PLCXD3: variants seen among roughly 807,000 people sequenced by gnomAD.
The protein encoded by PLCXD3 is PI-PLC X domain-containing protein 3.
PLCXD3 carries 19 observed loss-of-function variants against 25.5 expected under a neutral mutation model. The ratio of observed to expected loss-of-function variants is 0.75; its 90% CI spans 0.52 to 1.09. The LOEUF is 1.09. Among genes scored for constraint, PLCXD3 ranks in the 50% least tolerant of loss-of-function variants. The pLI is 0.00. For missense variants in PLCXD3, 411 were observed against 388.1 expected, an observed-to-expected ratio of 1.06 and a Z score of -0.50; for synonymous variants, 174 against 137.6, an observed-to-expected ratio of 1.26 and a Z score of -1.85.
chr5:41,383,790 A>G (rs1181274144), intron 1 of PLCXD3, among the ~76,000 whole-genome samples: 1 of 151,966 alleles, frequency 6.6e-6, no homozygotes, highest in East Asian at 1.9e-4. Flanking sequence ...ACACACAAAC[A>G]CACACAGAAA....
chr5:41,369,069 G>C (rs987626341), intron 2 of PLCXD3, among the ~76,000 whole-genome samples: 1 of 152,128 alleles, frequency 6.6e-6, no homozygotes, highest in Non-Finnish European at 1.5e-5. Flanking sequence ...TGTATACAGT[G>C]GCAATAAGTT....
intron 2 of PLCXD3, among the ~76,000 whole-genome samples, chr5:41,334,157 A>C (rs1743912729): frequency 6.6e-6 from 1 of 152,174 alleles, no homozygotes; most frequent in South Asian, 2.1e-4. Flanking sequence ...TTTGGTCCTG[A>C]CTAGAGTAGA....
chr5:41,400,263 A>G (rs563986300), intron 1 of PLCXD3, among the ~76,000 whole-genome samples: 14 of 152,230 alleles, frequency 9.2e-5, no homozygotes, highest in African/African-American at 3.1e-4. Context: ...TGCAACCACT[A>G]TGGAGAACAG....
chr5:41,318,483 TTTTG>T (rs941013894), intron 2 of PLCXD3, among the ~76,000 whole-genome samples: 16 of 152,186 alleles, frequency 1.1e-4, no homozygotes, highest in African/African-American at 2.9e-4. Flanking sequence ...TTAGTTTACT[TTTTG>T]TTTGTTTACT....
chr5:41,447,433 C>A (rs1580378050), intron 1 of PLCXD3, among the ~76,000 whole-genome samples: 2 of 152,122 alleles, frequency 1.3e-5, no homozygotes, highest in Admixed American at 1.3e-4. Flanking sequence ...TTTTCAATAT[C>A]AAATCATGTG....
chr5:41,421,505 T>C (rs1056974073), intron 1 of PLCXD3, among the ~76,000 whole-genome samples: 1 of 152,040 alleles, frequency 6.6e-6, no homozygotes, highest in Admixed American at 6.5e-5. Context: ...ATTGAGACCA[T>C]CCTGGCTAAC....
At chr5:41,377,071 C>T (rs1745317777) in intron 2 of PLCXD3, among the ~76,000 whole-genome samples, 1 of 152,202 alleles carries the variant, frequency 6.6e-6, no homozygotes, top group African/African-American at 2.4e-5. Flanking sequence ...ACAGATTAGG[C>T]ATTTAAATGT....
intron 2 of PLCXD3, among the ~76,000 whole-genome samples, chr5:41,363,437 C>G (rs1003730901): frequency 6.6e-6 from 1 of 152,140 alleles, no homozygotes; most frequent in African/African-American, 2.4e-5. Flanking sequence ...TATTCTATGA[C>G]AGATGACTCT....
chr5:41,493,491 A>T (rs1051856362), intron 1 of PLCXD3, among the ~76,000 whole-genome samples: 4 of 152,232 alleles, frequency 2.6e-5, no homozygotes, highest in African/African-American at 4.8e-5. Flanking sequence ...TTAAGTCTGC[A>T]GAGGTTACTG....
intron 2 of PLCXD3, among the ~76,000 whole-genome samples, chr5:41,343,336 A>G (rs1477587921): frequency 6.6e-6 from 1 of 152,170 alleles, no homozygotes; most frequent in Non-Finnish European, 1.5e-5. Context: ...GTTTACTTGA[A>G]AACTAGTTGT....
chr5:41,344,346 C>A (rs1460304374), intron 2 of PLCXD3, among the ~76,000 whole-genome samples: 1 of 152,122 alleles, frequency 6.6e-6, no homozygotes, highest in Non-Finnish European at 1.5e-5. Context: ...TTATTCAGCT[C>A]TTATTCAAAT....
intron 2 of PLCXD3, among the ~76,000 whole-genome samples, chr5:41,314,822 A>C (rs1290608283): frequency 1.3e-5 from 2 of 152,210 alleles, no homozygotes; most frequent in Non-Finnish European, 1.5e-5. Context: ...CCTTTGAATT[A>C]TCTTGAGCAG....
rs1423310 is a variant in PLCXD3 at position 41,313,595 on chromosome 5, A to T, written c.*22T>A. The T allele has an allele frequency of 5.9e-3, 9,452 of 1,613,326 alleles. 518 individuals are homozygous for T. The African/African-American group carries it at 0.11, about 19-fold the overall frequency. On this transcript the variant is annotated 3_prime_UTR_variant, in exon 3 of 3. Coordinates refer to ENST00000377801, the MANE Select transcript of PLCXD3 (RefSeq NM_001005473.3). Reference sequence around the variant, plus strand: ...ACAATGAGCTTTCTCCATCTTATTCATGGAAACTCCAAGTAGTGCTATCAA... The same window carrying T: ...ACAATGAGCTTTCTCCATCTTATTCTTGGAAACTCCAAGTAGTGCTATCAA...
At chr5:41,401,179 ATGT>A (rs1441537767) in intron 1 of PLCXD3, among the ~76,000 whole-genome samples, 1 of 151,920 alleles carries the variant, frequency 6.6e-6, no homozygotes, top group African/African-American at 2.4e-5. Flanking sequence ...CATGTACTTA[ATGT>A]TGTCTTTTAA....
intron 1 of PLCXD3, among the ~76,000 whole-genome samples, chr5:41,498,824 T>A (rs769444610): frequency 1.1e-4 from 17 of 151,808 alleles, no homozygotes; most frequent in Non-Finnish European, 2.1e-4. Context: ...GTGGGATTTA[T>A]CCATTGGAGG....
intron 1 of PLCXD3, among the ~76,000 whole-genome samples, chr5:41,428,382 GT>G (rs1335460352): frequency 3.0e-5 from 3 of 101,300 alleles, no homozygotes; most frequent in Non-Finnish European, 5.5e-5. Context: ...GAGTTTTTTT[GT>G]TTTTGTTTTT....
intron 1 of PLCXD3, among the ~76,000 whole-genome samples, chr5:41,427,517 T>G (rs1235790068): frequency 1.3e-5 from 2 of 152,228 alleles, no homozygotes; most frequent in African/African-American, 4.8e-5. Context: ...AATAATTTTA[T>G]GTACACTTAT....
At chr5:41,405,808 T>C (rs1351500756) in intron 1 of PLCXD3, among the ~76,000 whole-genome samples, 1 of 152,084 alleles carries the variant, frequency 6.6e-6, no homozygotes, top group East Asian at 1.9e-4. Flanking sequence ...CCATTTCCAT[T>C]CAAATTCTCA....
chr5:41,450,076 T>A (rs1747592766), intron 1 of PLCXD3, among the ~76,000 whole-genome samples: 1 of 152,086 alleles, frequency 6.6e-6, no homozygotes. Flanking sequence ...GAAAAAGTGA[T>A]TCTGTCCTAT....
Sources: gnomAD v4.1 joint callset for allele counts (sites outside exome capture counted in the v4.1 genomes callset) on GRCh38, gnomAD v4.1.1 for gene constraint, MANE v1.5 for transcripts, NCBI Gene and HGNC (gene_info 2026-07-23, HGNC 2026-07-21) for gene names.